TENM2: variants seen among roughly 807,000 people sequenced by gnomAD.
TENM2 encodes the protein teneurin-2.
Under a neutral mutation model 245.2 loss-of-function variants are expected in TENM2, and 52 were observed. The observed-to-expected ratio is 0.21, with a 90% CI of 0.17 to 0.27. The LOEUF (loss-of-function observed/expected upper bound fraction) is 0.27, where lower values mean the gene tolerates loss of function less well. Among genes scored for constraint, TENM2 ranks in the 10% least tolerant of loss-of-function variants. TENM2 has a pLI of 1.00. For missense variants in TENM2, 3,046 were observed against 3,666.8 expected (o/e 0.83, Z 4.37); for synonymous variants, 1,363 against 1,438.9 (o/e 0.95, Z 1.19).
intron 2 of TENM2, among the ~76,000 whole-genome samples, chr5:167,408,780 A>G (rs1333516790): frequency 2.0e-5 from 3 of 150,568 alleles, no homozygotes; most frequent in African/African-American, 7.3e-5. Flanking sequence ...TATTTCCCCC[A>G]AAATCTTATA....
At chr5:167,699,661 T>C (rs1758013239) in intron 2 of TENM2, among the ~76,000 whole-genome samples, 1 of 152,220 alleles carries the variant, frequency 6.6e-6, no homozygotes, top group Admixed American at 6.5e-5. Flanking sequence ...TGGGGCAACA[T>C]TCCTATGGCC....
At chr5:167,442,096 A>C (rs4392647) in intron 2 of TENM2, among the ~76,000 whole-genome samples, 149,986 of 152,294 alleles carry the variant, frequency 0.98, 73,891 homozygotes, top group Middle Eastern at 1. Context: ...TTTCTCCACC[A>C]TGAAATCTTG....
chr5:167,865,630 A>C (rs1361645684), intron 2 of TENM2, among the ~76,000 whole-genome samples: 1 of 152,104 alleles, frequency 6.6e-6, no homozygotes, highest in Non-Finnish European at 1.5e-5. Context: ...AACCAAAAAA[A>C]TGTGGTCGCG....
intron 2 of TENM2, among the ~76,000 whole-genome samples, chr5:167,838,007 G>A (rs1309293995): frequency 6.6e-6 from 1 of 152,128 alleles, no homozygotes; most frequent in African/African-American, 2.4e-5. Context: ...ATCCCCACCT[G>A]GTTTAGTATT....
chr5:168,210,319 T>C (rs1762692499), intron 19 of TENM2, among the ~76,000 whole-genome samples: 1 of 152,170 alleles, frequency 6.6e-6, no homozygotes, highest in Non-Finnish European at 1.5e-5. Context: ...AGATCTTATA[T>C]TAATCAACTG....
Position 167,914,230 on chromosome 5 carries a change from A to G in TENM2, c.712+38035A>G, listed in dbSNP as rs546025013. 3.6e-4 allele frequency among the ~76,000 whole-genome samples: 55 copies of G among 152,314 alleles called. 1 individual carries two copies. The highest frequency in any genetic ancestry group is 1.3e-3 in the African/African-American group (54 of 41,568). ...CAGTGATGTGGCTTTAAAAACACACATTTATTATCTGAGAGTTTTGGAAAT... is the reference window on the plus strand; with the variant it reads ...CAGTGATGTGGCTTTAAAAACACACGTTTATTATCTGAGAGTTTTGGAAAT... On this transcript the variant is annotated intron_variant, in intron 3 of 28. Transcript: ENST00000518659.
chr5:168,062,524 T>C (rs1375665314), intron 7 of TENM2, among the ~76,000 whole-genome samples: 2 of 152,164 alleles, frequency 1.3e-5, no homozygotes, highest in African/African-American at 4.8e-5. Context: ...ATTCCACTTC[T>C]AGGTATATAC....
intron 25 of TENM2, among the ~76,000 whole-genome samples, chr5:168,234,180 C>T (rs1227585148): frequency 6.6e-6 from 1 of 152,026 alleles, no homozygotes; most frequent in Admixed American, 6.6e-5. Context: ...GCAGACTTAG[C>T]CAAAGTTGAC....
intron 27 of TENM2, among the ~76,000 whole-genome samples, chr5:168,252,870 A>T (rs910902452): frequency 1.3e-5 from 2 of 152,034 alleles, no homozygotes; most frequent in African/African-American, 2.4e-5. Flanking sequence ...CAAAAAAGAA[A>T]AGAAAAGAGG....
intron 2 of TENM2, among the ~76,000 whole-genome samples, chr5:167,741,405 T>A (rs1428587470): frequency 6.6e-6 from 1 of 152,190 alleles, no homozygotes; most frequent in Non-Finnish European, 1.5e-5. Context: ...AAGGAATCAG[T>A]GGAGAAATGG....
At chr5:168,105,668 T>A (rs940388021) in intron 9 of TENM2, among the ~76,000 whole-genome samples, 1 of 152,172 alleles carries the variant, frequency 6.6e-6, no homozygotes, top group Non-Finnish European at 1.5e-5. Flanking sequence ...ATTGAGCAAC[T>A]TAATAGGCAA....
At chr5:166,989,250 A>ATTT in the TENM2 span, among the ~76,000 whole-genome samples, 1 of 101,090 alleles carries the variant, frequency 9.9e-6, no homozygotes, top group African/African-American at 4.9e-5. Context: ...CACCAAGCTA[A>ATTT]TCTTTTTTTT....
chr5:167,136,844 T>C, the TENM2 span, among the ~76,000 whole-genome samples: 1 of 152,186 alleles, frequency 6.6e-6, no homozygotes, highest in Admixed American at 6.5e-5. Flanking sequence ...TCCAAGGGTG[T>C]TGAATATTTT....
At chr5:167,787,382 C>CA (rs1044784573) in intron 2 of TENM2, among the ~76,000 whole-genome samples, 2 of 152,146 alleles carry the variant, frequency 1.3e-5, no homozygotes, top group African/African-American at 2.4e-5. Context: ...GACTTAACCT[C>CA]AAAAAAATGA....
At chr5:167,685,953 C>G (rs1440720954) in intron 2 of TENM2, among the ~76,000 whole-genome samples, 1 of 152,194 alleles carries the variant, frequency 6.6e-6, no homozygotes, top group East Asian at 1.9e-4. Flanking sequence ...AAATCTAGCA[C>G]TACCCCTAGT....
At chr5:167,542,551 T>C (rs1299336498) in intron 2 of TENM2, among the ~76,000 whole-genome samples, 1 of 152,154 alleles carries the variant, frequency 6.6e-6, no homozygotes, top group Non-Finnish European at 1.5e-5. Context: ...GTGATTCGTA[T>C]CTACCTTTAA....
At chr5:167,849,696 TG>T (rs777281098) in intron 2 of TENM2, among the ~76,000 whole-genome samples, 2 of 152,208 alleles carry the variant, frequency 1.3e-5, no homozygotes. Flanking sequence ...ACCCCTTCCT[TG>T]GGTTCTATTA....
chr5:168,158,967 A>G (rs1757503120), intron 12 of TENM2, among the ~76,000 whole-genome samples: 1 of 148,380 alleles, frequency 6.7e-6, no homozygotes, highest in Non-Finnish European at 1.5e-5. Flanking sequence ...GTACGTGTAT[A>G]CATATATATA....
At chr5:167,023,506 C>A in the TENM2 span, among the ~76,000 whole-genome samples, 4 of 152,112 alleles carry the variant, frequency 2.6e-5, no homozygotes, top group African/African-American at 9.7e-5. Context: ...TACAGACTCA[C>A]CATGTGAGCA....
Sources: allele counts gnomAD v4.1 joint callset (sites outside exome capture counted in the v4.1 genomes callset), GRCh38; gene constraint gnomAD v4.1.1; transcripts MANE v1.5; gene names NCBI Gene and HGNC (gene_info 2026-07-23, HGNC 2026-07-21).